FRY: variants seen among roughly 807,000 people sequenced by gnomAD.
FRY encodes protein furry homolog.
A neutral mutation model predicts 348.4 loss-of-function variants in FRY; 128 were observed. The observed-to-expected ratio is 0.37, with a 90% CI of 0.32 to 0.43. FRY has a LOEUF of 0.43. Among genes scored for constraint, FRY ranks in the 20% least tolerant of loss-of-function variants. FRY has a pLI of 1.00. For missense variants in FRY, 2,736 were observed against 3,695.2 expected (o/e 0.74, Z 6.73); for synonymous variants, 1,370 against 1,374.7 (o/e 1.00, Z 0.08).
intron 7 of FRY, among the ~76,000 whole-genome samples, chr13:32,129,642 G>A (rs550700332): frequency 2.0e-5 from 3 of 152,180 alleles, no homozygotes; most frequent in South Asian, 4.2e-4. Flanking sequence ...TATTCTTAGC[G>A]ATGCTAATAA....
In FRY at chr13:32,049,016, A is replaced by G. The variant is rs185123993; in HGVS notation, c.70+17151A>G. 1.1e-4 allele frequency among the ~76,000 whole-genome samples: 16 copies of G among 152,330 alleles called. No individual in the cohort carries two copies. In the East Asian group the frequency reaches 2.5e-3, roughly 24 times the overall value. On this transcript the variant is annotated intron_variant, in intron 1 of 60. Coordinates refer to ENST00000542859, the MANE Select transcript of FRY (RefSeq NM_023037.3). ...CTGCCTTCTCTGGGCTTCACAATCA[A>G]AGACAGCCTACTTTGATGAAAGGGA...
At chr13:32,130,802 T>A (rs1056211349) in intron 7 of FRY, among the ~76,000 whole-genome samples, 1 of 145,698 alleles carries the variant, frequency 6.9e-6, no homozygotes, top group African/African-American at 2.6e-5. Context: ...ATAATTTAAA[T>A]TTTCCCATTA....
At chr13:32,189,916 A>G (rs1883236684) in intron 28 of FRY, among the ~76,000 whole-genome samples, 1 of 152,062 alleles carries the variant, frequency 6.6e-6, no homozygotes, top group African/African-American at 2.4e-5. Context: ...AAAATATTAG[A>G]AAATTGAATT....
rs1279132163 is a variant in FRY, at chr13:32,176,822, C to T, written c.2421+1190C>T. 9.2e-5 allele frequency among the ~76,000 whole-genome samples: 14 copies of T among 152,290 alleles called. No individual in the cohort carries two copies. The South Asian group carries it at 2.5e-3, about 27-fold the overall frequency. Reference sequence around the variant, plus strand: ...GGGAGAAGCAGTGACTGCTTTGTGCCAGGTGTTTTTACAGCTGTTACTTCA... The same window carrying T: ...GGGAGAAGCAGTGACTGCTTTGTGCTAGGTGTTTTTACAGCTGTTACTTCA... On this transcript the variant is annotated intron_variant, in intron 20 of 60. Transcript: ENST00000542859.
intron 3 of FRY, among the ~76,000 whole-genome samples, chr13:32,104,409 C>T (rs150147217): frequency 6.6e-6 from 1 of 152,168 alleles, no homozygotes; most frequent in Non-Finnish European, 1.5e-5. Context: ...GCATCCGCCA[C>T]CTAACAAAAC....
chr13:32,226,630 TAACA>T (rs1265804248), intron 39 of FRY, among the ~76,000 whole-genome samples: 6 of 152,238 alleles, frequency 3.9e-5, no homozygotes, highest in Non-Finnish European at 1.5e-5. Context: ...GATTACCAAC[TAACA>T]GAGTTCAGGG....
At chr13:32,282,690 A>ATT (rs1480554130) in intron 58 of FRY, among the ~76,000 whole-genome samples, 1 of 152,116 alleles carries the variant, frequency 6.6e-6, no homozygotes, top group Non-Finnish European at 1.5e-5. Flanking sequence ...CTGAATATTT[A>ATT]TTTTTCTAGT....
rs1373427140 is a variant in FRY, at chr13:32,171,228, A to T, written c.2109A>T (p.Gln703His). The change falls in exon 18 of 61, where the codon CAA becomes CAT. Residue 703 changes from glutamine to histidine, a missense_variant. Transcript: ENST00000542859. Reference protein sequence around the residue: ...LTQWKLVIQTQGKVYEQANKI... With the variant: ...LTQWKLVIQTHGKVYEQANKI... ...AGTGGAAACTAGTCATCCAGACACA[A>T]GGAAAAGTCTATGAACAAGCCAACA... 6.8e-6 allele frequency: 11 copies of T among 1,613,622 alleles called. No individual in the cohort carries two copies. The highest frequency in any genetic ancestry group is 9.3e-6 in the Non-Finnish European group (11 of 1,179,814).
intron 11 of FRY, among the ~76,000 whole-genome samples, chr13:32,144,001 C>G (rs1471712159): frequency 2.6e-5 from 4 of 152,106 alleles, no homozygotes; most frequent in African/African-American, 9.7e-5. Flanking sequence ...CAAACCCAGG[C>G]AGTCTGTGTG....
intron 1 of FRY, among the ~76,000 whole-genome samples, chr13:32,053,601 C>T (rs1235099913): frequency 6.6e-6 from 1 of 152,212 alleles, no homozygotes. Flanking sequence ...CTTACAGGTC[C>T]ATAATGCCAC....
At chr13:32,211,902 A>G (rs1208530182) in intron 34 of FRY, among the ~76,000 whole-genome samples, 2 of 152,128 alleles carry the variant, frequency 1.3e-5, no homozygotes, top group African/African-American at 2.4e-5. Flanking sequence ...TAGCACAGCA[A>G]TCAGAAGTGC....
Position 32,231,340 on chromosome 13 carries a change from G to A in FRY, c.5527+40G>A, listed in dbSNP as rs1005180891. ...TTGCACAGATCCCTCTTTCAGCATT[G>A]TTCTGTAATGGACACTGTCTCTATA... is the stretch of plus-strand genomic sequence containing the variant. On this transcript the variant is annotated intron_variant, in intron 41 of 60. Transcript: ENST00000542859. The A allele has an allele frequency of 3.1e-6, 5 of 1,599,734 alleles. No individual in the cohort carries two copies. The African/African-American group carries it at 6.7e-5, about 21-fold the overall frequency.
chr13:32,149,614 A>C, intron 13 of FRY, 134 bp from the exon 14 acceptor site: 4 of 680,024 alleles, frequency 5.9e-6, no homozygotes, highest in Non-Finnish European at 1.1e-5. Context: ...GGTTCTCTGC[A>C]AGCCACAAAA....
intron 11 of FRY, among the ~76,000 whole-genome samples, chr13:32,143,369 T>G (rs1275524766): frequency 1.3e-5 from 2 of 152,182 alleles, no homozygotes; most frequent in East Asian, 3.8e-4. Flanking sequence ...CAAAACAAAC[T>G]AAAACCTAAG....
At chr13:32,073,413 T>C (rs780753168) in intron 1 of FRY, among the ~76,000 whole-genome samples, 2 of 152,156 alleles carry the variant, frequency 1.3e-5, no homozygotes, top group African/African-American at 2.4e-5. Context: ...AGCCCCAGAC[T>C]GTAGCACCTG....
intron 36 of FRY, among the ~76,000 whole-genome samples, chr13:32,219,772 A>G (rs553713024): frequency 1.3e-5 from 2 of 152,152 alleles, no homozygotes; most frequent in East Asian, 1.9e-4. Flanking sequence ...ATTTCCACCT[A>G]TCTTGCGAGT....
chr13:32,090,362 A>AAG (rs1876210896), intron 2 of FRY, among the ~76,000 whole-genome samples: 1 of 150,954 alleles, frequency 6.6e-6, no homozygotes, highest in Non-Finnish European at 1.5e-5. Context: ...AAAAAAAAAA[A>AAG]AAAAAAAAAA....
chr13:32,086,723 G>GT (rs1310542166), intron 2 of FRY, among the ~76,000 whole-genome samples: 3 of 151,822 alleles, frequency 2.0e-5, no homozygotes, highest in East Asian at 1.9e-4. Context: ...AAAACGAAAA[G>GT]TTTTTTTTAA....
chr13:32,171,119 C>T lies in FRY; in HGVS notation c.2000C>T (p.Thr667Ile). 1 of 1,613,558 alleles carries T rather than the reference C, an allele frequency of 6.2e-7. No individual in the cohort carries two copies. Among genetic ancestry groups the T allele is most frequent in the Non-Finnish European group, 8.5e-7 (1 of 1,179,602 alleles). Residue 667 changes from threonine (T) to isoleucine (I), a missense_variant, in exon 18 of 61, where the codon ACC becomes ATC. By Grantham distance (89) the Thr-to-Ile change is moderately conservative. This residue lies in a region of FRY where 449 missense variants were observed against 576.9 expected (regional missense o/e 0.78). Transcript: ENST00000542859. ...DWREDVLFGFTNFLLREVNDM... is the reference protein window; with the variant it reads ...DWREDVLFGFINFLLREVNDM... ...AGGGAAGATGTACTATTTGGCTTTA[C>T]CAACTTCCTGCTCCGGGAAGTAAAT... is the stretch of plus-strand genomic sequence containing the variant.
Sources: gnomAD v4.1 joint callset for allele counts (sites outside exome capture counted in the v4.1 genomes callset) on GRCh38, gnomAD v4.1.1 for gene constraint, gnomAD v4.1.1 regional missense constraint, MANE v1.5 for transcripts, NCBI Gene and HGNC (gene_info 2026-07-23, HGNC 2026-07-21) for gene names.